Variants in RALY observed in about 807,000 individuals in gnomAD.
The protein encoded by RALY is RALY heterogeneous nuclear ribonucleoprotein.
In RALY, 15 loss-of-function variants were observed where a neutral mutation model predicts 30.7. That is an observed-to-expected ratio of 0.49 (90% CI 0.33 to 0.75). The LOEUF (loss-of-function observed/expected upper bound fraction) is 0.75. RALY is among the 30% of genes least tolerant of loss of function. The pLI, the probability that RALY is intolerant of heterozygous loss-of-function variation, is 0.02. For missense variants in RALY, 339 were observed against 414.3 expected, an observed-to-expected ratio of 0.82 and a Z score of 1.58; for synonymous variants, 177 against 170.8, an observed-to-expected ratio of 1.04 and a Z score of -0.28.
At chr20:33,997,178 C>T (rs1479818979) in intron 1 of RALY, among the ~76,000 whole-genome samples, 3 of 152,106 alleles carry the variant, frequency 2.0e-5, no homozygotes, top group South Asian at 2.1e-4. Context: ...TGCGGTGGCA[C>T]GATCTTGGCT....
chr20:34,066,403 C>T (rs549341273), intron 2 of RALY, among the ~76,000 whole-genome samples: 12 of 152,202 alleles, frequency 7.9e-5, no homozygotes, highest in African/African-American at 2.2e-4. Flanking sequence ...TGCTTGAACC[C>T]GGGAAGCGGA....
intron 2 of RALY, among the ~76,000 whole-genome samples, chr20:34,036,347 A>G (rs1449538561): frequency 6.6e-6 from 1 of 152,128 alleles, no homozygotes; most frequent in Admixed American, 6.5e-5. Flanking sequence ...TGTTGATTTT[A>G]TGGTCTTTGT....
At chr20:34,078,934 G>A (rs1367346429) in intron 9 of RALY, among the ~76,000 whole-genome samples, 1 of 152,214 alleles carries the variant, frequency 6.6e-6, no homozygotes, top group East Asian at 1.9e-4. Flanking sequence ...AAGAGATGAT[G>A]TGTAGCTGAG....
chr20:34,025,363 G>A (rs932390147), intron 1 of RALY, among the ~76,000 whole-genome samples: 1 of 151,222 alleles, frequency 6.6e-6, no homozygotes, highest in African/African-American at 2.4e-5. Flanking sequence ...GTGCAGTAGT[G>A]CAAACACAGC....
intron 8 of RALY, chr20:34,077,815 G>A: frequency 5.5e-6 from 1 of 180,460 alleles, no homozygotes; most frequent in South Asian, 1.1e-4. Context: ...AGCGCTCATT[G>A]AGCACCAAGA....
intron 1 of RALY, among the ~76,000 whole-genome samples, chr20:34,009,181 C>A (rs1325726581): frequency 6.6e-6 from 1 of 151,734 alleles, no homozygotes; most frequent in African/African-American, 2.4e-5. Context: ...CCTGTCTTCT[C>A]CTTGAGTCCT....
At chr20:34,012,863 C>T (rs148970904) in intron 1 of RALY, among the ~76,000 whole-genome samples, 1 of 152,344 alleles carries the variant, frequency 6.6e-6, no homozygotes, top group Non-Finnish European at 1.5e-5. Context: ...AGAAGGTTCC[C>T]TGGATGTGCC....
intron 2 of RALY, among the ~76,000 whole-genome samples, chr20:34,046,591 T>C (rs1568677848): frequency 6.6e-6 from 1 of 152,218 alleles, no homozygotes; most frequent in Non-Finnish European, 1.5e-5. Flanking sequence ...CTTTGCTAAG[T>C]GTCCAGTGCT....
chr20:34,025,899 G>GTTTTTTTTTTTTTTTTTTTTT (rs35827160), intron 1 of RALY, among the ~76,000 whole-genome samples: 1 of 75,916 alleles, frequency 1.3e-5, no homozygotes, highest in Non-Finnish European at 2.4e-5. Context: ...ATTCCTGGTT[G>GTTTTTTTTTTTTTTTTTTTTT]TTTTTTTTTT....
At chr20:34,005,975 C>T (rs1362962794) in intron 1 of RALY, among the ~76,000 whole-genome samples, 1 of 152,058 alleles carries the variant, frequency 6.6e-6, no homozygotes. Flanking sequence ...CTGGATGTGC[C>T]ACAGTTTATC....
At chr20:34,025,305 CTCTCT>C (rs1237779869) in intron 1 of RALY, among the ~76,000 whole-genome samples, 3 of 71,850 alleles carry the variant, frequency 4.2e-5, no homozygotes, top group African/African-American at 6.7e-5. Flanking sequence ...CTCTCTCTCT[CTCTCT>C]TTTTTTTTTT....
intron 1 of RALY, among the ~76,000 whole-genome samples, chr20:34,000,181 G>A (rs1368318184): frequency 6.6e-6 from 1 of 152,134 alleles, no homozygotes; most frequent in Non-Finnish European, 1.5e-5. Context: ...TTGTGCTCAG[G>A]GTGCAGCTCA....
chr20:34,046,889 G>A (rs955285385), intron 2 of RALY, among the ~76,000 whole-genome samples: 3 of 148,614 alleles, frequency 2.0e-5, no homozygotes, highest in Non-Finnish European at 3.0e-5. Context: ...GTGTGACCTC[G>A]GCTCACTGCA....
chr20:34,053,786 G>C (rs1036554585), intron 2 of RALY, among the ~76,000 whole-genome samples: 1 of 152,182 alleles, frequency 6.6e-6, no homozygotes, highest in South Asian at 2.1e-4. Flanking sequence ...TTTCCATTAA[G>C]ATAGCTTGGT....
chr20:34,066,123 C>CA (rs2033562393), intron 2 of RALY, among the ~76,000 whole-genome samples: 1 of 151,526 alleles, frequency 6.6e-6, no homozygotes, highest in South Asian at 2.1e-4. Flanking sequence ...ACACTCCCCT[C>CA]ACCAGCTGGT....
Position 34,082,234 on chromosome 20 carries a change from A to G in RALY, c.*2329A>G, listed in dbSNP as rs2034041631. 1 of 152,250 alleles carries G rather than the reference A, an allele frequency of 6.6e-6. No individual in the cohort carries two copies. The highest frequency in any genetic ancestry group is 2.1e-4 in the South Asian group (1 of 4,828). The allele number at this position is 152,250 out of a possible 1,614,324, so 9.4% of individuals were successfully genotyped here. A position where few individuals can be genotyped will look rare whatever the true frequency, so the allele number is the denominator to read the frequency against. ...AACAGACCCATTTCAATACCCTGGC[A>G]AGTCATTACTGCCCTTAGCTCTTGG... On this transcript the variant is annotated 3_prime_UTR_variant, in exon 10 of 10. Transcript: ENST00000246194.
chr20:34,053,851 G>A (rs1385470504), intron 2 of RALY, among the ~76,000 whole-genome samples: 1 of 152,136 alleles, frequency 6.6e-6, no homozygotes, highest in Admixed American at 6.5e-5. Context: ...GAGAGGGAGG[G>A]CTGAATCTCT....
chr20:34,049,642 G>A (rs752419304), intron 2 of RALY, among the ~76,000 whole-genome samples: 35 of 152,120 alleles, frequency 2.3e-4, no homozygotes, highest in Non-Finnish European at 4.7e-4. Context: ...AATGATTGGC[G>A]TTTGTTTGGC....
chr20:34,068,057 C>G (rs532749118), intron 2 of RALY, among the ~76,000 whole-genome samples: 1 of 152,264 alleles, frequency 6.6e-6, no homozygotes, highest in South Asian at 2.1e-4. Context: ...TCCATGTGCA[C>G]ACAGGTCTCT....
Sources: gnomAD v4.1 joint callset for allele counts (sites outside exome capture counted in the v4.1 genomes callset) on GRCh38, gnomAD v4.1.1 for gene constraint, MANE v1.5 for transcripts, NCBI Gene and HGNC (gene_info 2026-07-23, HGNC 2026-07-21) for gene names.